Variants in CDH13 observed in about 807,000 individuals in gnomAD.
CDH13 encodes the protein cadherin 13.
CDH13 carries 24 observed loss-of-function variants against 63.8 expected under a neutral mutation model. The ratio of observed to expected loss-of-function variants is 0.38; its 90% confidence interval spans 0.27 to 0.53. The LOEUF (loss-of-function observed/expected upper bound fraction) is 0.53, where lower values mean the gene tolerates loss of function less well. Among genes scored for constraint, CDH13 ranks in the 20% least tolerant of loss-of-function variants. The pLI is 0.85. For missense variants in CDH13, 1,049 were observed against 903.1 expected (o/e 1.16, Z -2.07); for synonymous variants, 503 against 355.3 (o/e 1.42, Z -4.67).
At chr16:83,242,931 A>G (rs928416168) in intron 5 of CDH13, among the ~76,000 whole-genome samples, 99 of 152,308 alleles carry the variant, frequency 6.5e-4, no homozygotes, top group African/African-American at 2.2e-3. Flanking sequence ...AGCATATACC[A>G]TGTGTCAAAA....
At chr16:83,619,879 G>A (rs1909645886) in intron 8 of CDH13, among the ~76,000 whole-genome samples, 1 of 152,228 alleles carries the variant, frequency 6.6e-6, no homozygotes, top group African/African-American at 2.4e-5. Flanking sequence ...TGACACAGAA[G>A]TGGAGGATGC....
chr16:83,521,716 T>A (rs1407251053), intron 7 of CDH13, among the ~76,000 whole-genome samples: 1 of 152,216 alleles, frequency 6.6e-6, no homozygotes, highest in African/African-American at 2.4e-5. Context: ...TTCTTCCACC[T>A]ATGGGTTTTC....
rs193038643 is a variant in CDH13, at chr16:82,638,988, C to T, written c.45+11851C>T. ...CGACTCTTATTCCCAATTTTATATA[C>T]GATGAGAAGAAGTTTTGAGTGGTGG... On this transcript the variant is annotated intron_variant, in intron 1 of 13. Transcript: ENST00000567109. Among the ~76,000 whole-genome samples, 301 of 152,242 alleles carry T rather than the reference C, an allele frequency of 2.0e-3. 1 individual carries two copies. The highest frequency in any genetic ancestry group is 6.9e-3 in the African/African-American group (286 of 41,524).
chr16:82,702,742 G>C (rs1211128349), intron 1 of CDH13, among the ~76,000 whole-genome samples: 2 of 152,292 alleles, frequency 1.3e-5, no homozygotes, highest in East Asian at 3.9e-4. Context: ...ATGATCAAAA[G>C]CTTCTTCCTG....
At chr16:82,712,939 G>A (rs1336364367) in intron 1 of CDH13, among the ~76,000 whole-genome samples, 2 of 152,068 alleles carry the variant, frequency 1.3e-5, no homozygotes, top group South Asian at 2.1e-4. Context: ...CTCCTAGAAC[G>A]TGAGCTTCAT....
intron 2 of CDH13, among the ~76,000 whole-genome samples, chr16:82,863,133 G>A (rs1329707972): frequency 2.6e-5 from 4 of 152,174 alleles, no homozygotes; most frequent in Non-Finnish European, 5.9e-5. Flanking sequence ...ACAAAATGAT[G>A]TCGCCTATAT....
At chr16:83,531,075 G>C (rs975456360) in intron 7 of CDH13, among the ~76,000 whole-genome samples, 2 of 152,124 alleles carry the variant, frequency 1.3e-5, no homozygotes, top group Non-Finnish European at 2.9e-5. Flanking sequence ...TAAAGTTCTT[G>C]GTGTTGTTTC....
chr16:83,252,048 C>T (rs1279105796), intron 5 of CDH13, among the ~76,000 whole-genome samples: 1 of 146,636 alleles, frequency 6.8e-6, no homozygotes, highest in Non-Finnish European at 1.5e-5. Flanking sequence ...CCAGCTTTTA[C>T]CTCTTTTTTA....
chr16:83,095,133 G>T (rs1407134980), intron 3 of CDH13, among the ~76,000 whole-genome samples: 2 of 152,144 alleles, frequency 1.3e-5, no homozygotes, highest in Non-Finnish European at 1.5e-5. Flanking sequence ...CTGATTTGTG[G>T]TGTTTGCCAA....
intron 2 of CDH13, among the ~76,000 whole-genome samples, chr16:82,870,504 G>A (rs989167223): frequency 1.3e-5 from 2 of 152,100 alleles, no homozygotes; most frequent in Admixed American, 6.5e-5. Context: ...GTCCTGGGGA[G>A]GGAGAATAAA....
intron 4 of CDH13, among the ~76,000 whole-genome samples, chr16:83,199,497 T>C (rs1299327597): frequency 1.3e-5 from 2 of 152,144 alleles, no homozygotes; most frequent in South Asian, 2.1e-4. Flanking sequence ...CTTAACTGCA[T>C]TTGTGAAGTT....
intron 2 of CDH13, among the ~76,000 whole-genome samples, chr16:82,864,824 T>A (rs980346419): frequency 6.6e-6 from 1 of 152,054 alleles, no homozygotes; most frequent in African/African-American, 2.4e-5. Flanking sequence ...AACCCAAAGG[T>A]CCAAGTCCAA....
chr16:83,553,866 G>C (rs1396918640), intron 7 of CDH13, among the ~76,000 whole-genome samples: 2 of 152,134 alleles, frequency 1.3e-5, no homozygotes, highest in African/African-American at 2.4e-5. Flanking sequence ...CCAAAGTCAT[G>C]GTTTTTAAAT....
At chr16:83,682,892 G>A (rs1915521004) in intron 10 of CDH13, among the ~76,000 whole-genome samples, 1 of 152,172 alleles carries the variant, frequency 6.6e-6, no homozygotes, top group Admixed American at 6.5e-5. Flanking sequence ...CTCCCTGAGG[G>A]GGCTCCTTCC....
intron 6 of CDH13, among the ~76,000 whole-genome samples, chr16:83,365,251 T>A (rs1297857519): frequency 3.9e-5 from 6 of 152,172 alleles, no homozygotes; most frequent in Non-Finnish European, 8.8e-5. Context: ...AATGTATTGT[T>A]TAAGTCCGAA....
intron 2 of CDH13, among the ~76,000 whole-genome samples, chr16:82,930,708 T>G (rs1349609190): frequency 1.3e-5 from 2 of 152,150 alleles, no homozygotes; most frequent in Non-Finnish European, 2.9e-5. Flanking sequence ...ATAAATGATA[T>G]TAAACTAAGC....
chr16:83,451,180 C>T (rs2072877241), intron 6 of CDH13, among the ~76,000 whole-genome samples: 2 of 152,122 alleles, frequency 1.3e-5, no homozygotes, highest in Non-Finnish European at 2.9e-5. Context: ...TAAAGACATA[C>T]CTGAGACTGG....
intron 7 of CDH13, among the ~76,000 whole-genome samples, chr16:83,593,951 C>T (rs1427271044): frequency 6.6e-6 from 1 of 152,172 alleles, no homozygotes; most frequent in Non-Finnish European, 1.5e-5. Flanking sequence ...AACTTAGTGA[C>T]TTGAGACAAG....
At chr16:83,480,992 T>C (rs2151554419) in intron 6 of CDH13, among the ~76,000 whole-genome samples, 1 of 152,322 alleles carries the variant, frequency 6.6e-6, no homozygotes, top group East Asian at 1.9e-4. Context: ...CATTCTCCTT[T>C]TGAAGCACCA....
Sources: allele counts gnomAD v4.1 joint callset (sites outside exome capture counted in the v4.1 genomes callset), GRCh38; gene constraint gnomAD v4.1.1; transcripts MANE v1.5; gene names NCBI Gene and HGNC (gene_info 2026-07-23, HGNC 2026-07-21).